The following SGK1 variants were observed in gnomAD, a reference collection of about 807,000 sequenced individuals.
SGK1 encodes the protein serum/glucocorticoid regulated kinase 1, also known as serine/threonine-protein kinase Sgk1.
In SGK1, 26 loss-of-function variants were observed where a neutral mutation model predicts 64.2. The observed-to-expected ratio is 0.40, with a 90% CI of 0.30 to 0.56. SGK1 has a LOEUF of 0.56. Among genes scored for constraint, SGK1 ranks in the 20% least tolerant of loss-of-function variants. The pLI is 0.38. For synonymous variants in SGK1, 265 were observed against 239.7 expected (o/e 1.11, Z -0.98); for missense variants, 519 against 645.6 (o/e 0.80, Z 2.12).
At chr6:134,241,780 C>T (rs1362323778) in intron 2 of SGK1, among the ~76,000 whole-genome samples, 1 of 152,002 alleles carries the variant, frequency 6.6e-6, no homozygotes, top group Admixed American at 6.6e-5. Flanking sequence ...GCCACCACAC[C>T]CGGCTAATTT....
intron 1 of SGK1, among the ~76,000 whole-genome samples, chr6:134,286,098 T>C (rs747842274): frequency 2.0e-5 from 3 of 152,264 alleles, no homozygotes; most frequent in Non-Finnish European, 4.4e-5. Context: ...GAGGTTTCGT[T>C]AGTAACCTGT....
chr6:134,184,270 G>A (rs1371421179), intron 3 of SGK1, among the ~76,000 whole-genome samples: 3 of 151,848 alleles, frequency 2.0e-5, no homozygotes, highest in South Asian at 2.1e-4. Flanking sequence ...AGGCTGAGGC[G>A]GGCAGATCAC....
chr6:134,272,646 TC>T (rs1776957943), intron 1 of SGK1, among the ~76,000 whole-genome samples: 1 of 147,868 alleles, frequency 6.8e-6, no homozygotes, highest in African/African-American at 2.4e-5. Context: ...AACTCTTCTC[TC>T]TTAGCCGAGC....
intron 2 of SGK1, among the ~76,000 whole-genome samples, chr6:134,251,614 C>T (rs1159172445): frequency 2.6e-5 from 4 of 152,190 alleles, no homozygotes; most frequent in South Asian, 4.1e-4. Context: ...ACTGGGAACG[C>T]GGCACACTGG....
intron 10 of SGK1, 185 bp downstream of exon 10, chr6:134,172,008 T>C: frequency 1.3e-6 from 1 of 760,270 alleles, no homozygotes; most frequent in Admixed American, 2.5e-5. Flanking sequence ...TACTTTTCAG[T>C]AAAGGAACAG....
chr6:134,215,064 T>C (rs897862557), intron 2 of SGK1: 3 of 455,982 alleles, frequency 6.6e-6, no homozygotes, highest in Non-Finnish European at 8.8e-6. Flanking sequence ...TTTAGGGAGA[T>C]GTCAGTTGTC....
chr6:134,249,125 T>C (rs1776568709), intron 2 of SGK1, among the ~76,000 whole-genome samples: 1 of 152,190 alleles, frequency 6.6e-6, no homozygotes, highest in African/African-American at 2.4e-5. Context: ...ATCTCAAGCA[T>C]ATTTATCCTT....
intron 3 of SGK1, among the ~76,000 whole-genome samples, chr6:134,204,715 G>A (rs916650989): frequency 2.3e-4 from 35 of 151,740 alleles, no homozygotes; most frequent in African/African-American, 7.8e-4. Context: ...CACACCTCCC[G>A]GCTAATTTGT....
chr6:134,298,370 G>C, intron 1 of SGK1: 1 of 1,512,282 alleles, frequency 6.6e-7, no homozygotes, highest in Non-Finnish European at 9.1e-7. Flanking sequence ...TCCAGGAACC[G>C]TACCTTGCCT....
At chr6:134,220,381 C>T (rs1776071515) in intron 2 of SGK1, among the ~76,000 whole-genome samples, 6 of 152,112 alleles carry the variant, frequency 3.9e-5, no homozygotes, top group Admixed American at 3.9e-4. Flanking sequence ...CAGAAGGCTA[C>T]ACAGATAGAA....
chr6:134,198,726 AT>A lies in SGK1; in HGVS notation c.361+8629del, dbSNP rs1178699258. Among the ~76,000 whole-genome samples the A allele has an allele frequency of 9.1e-3, 931 of 101,756 alleles. 7 individuals are homozygous for A. The highest frequency in any genetic ancestry group is 0.028 in the African/African-American group (765 of 26,970). The allele number at this position is 101,756 out of a possible 152,430, so 66.8% of individuals were successfully genotyped here. A position where few individuals can be genotyped will look rare whatever the true frequency, so the allele number is the denominator to read the frequency against. On this transcript the variant is annotated intron_variant, in intron 3 of 13. Transcript: ENST00000367858. ...TTTTTTCTTCTTTTTCTCTTTTTCTATTTTTTTTTTTTTTTTTTTTGAAAAC... is the reference window on the plus strand; with the variant it reads ...TTTTTTCTTCTTTTTCTCTTTTTCTATTTTTTTTTTTTTTTTTTTGAAAAC...
At chr6:134,244,240 G>A (rs1300473880) in intron 2 of SGK1, among the ~76,000 whole-genome samples, 1 of 151,952 alleles carries the variant, frequency 6.6e-6, no homozygotes, top group Non-Finnish European at 1.5e-5. Context: ...TTCTGTTCCT[G>A]TGTTAGTTTG....
chr6:134,242,289 C>T (rs1479295455), intron 2 of SGK1, among the ~76,000 whole-genome samples: 1 of 151,974 alleles, frequency 6.6e-6, no homozygotes, highest in Non-Finnish European at 1.5e-5. Flanking sequence ...AGTTCGAGAC[C>T]AGCCTGGCCA....
rs184523635 is a variant in SGK1 at position 134,177,375 on chromosome 6, T to C, written c.362-2789A>G. 1.9e-3 allele frequency among the ~76,000 whole-genome samples: 284 copies of C among 152,346 alleles called. 1 individual carries two copies. The highest frequency in any genetic ancestry group is 6.4e-3 in the African/African-American group (265 of 41,580). On this transcript the variant is annotated intron_variant, in intron 3 of 13. Transcript: ENST00000367858. ...AGGGAATCTTCATAGAATGTGACTT[T>C]GTTATTGCCAGTGCCACCCGTATGT...
At chr6:134,215,146 TTGA>T in intron 2 of SGK1, 2 of 428,766 alleles carry the variant, frequency 4.7e-6, no homozygotes, top group Non-Finnish European at 4.6e-6. Context: ...TTTTTTTTTT[TTGA>T]GAGAGCTTTG....
intron 3 of SGK1, among the ~76,000 whole-genome samples, chr6:134,179,847 G>T (rs1464375610): frequency 6.6e-6 from 1 of 152,128 alleles, no homozygotes; most frequent in African/African-American, 2.4e-5. Flanking sequence ...ATTGACGGGA[G>T]GGTAGGAACA....
At chr6:134,283,818 G>A (rs958585336) in intron 1 of SGK1, among the ~76,000 whole-genome samples, 14 of 127,800 alleles carry the variant, frequency 1.1e-4, no homozygotes, top group African/African-American at 3.9e-4. Flanking sequence ...AGCCATGATC[G>A]CAGCACTGCA....
chr6:134,173,688 A>C, intron 5 of SGK1, 122 bp from the exon 6 acceptor site: 1 of 665,304 alleles, frequency 1.5e-6, no homozygotes, highest in East Asian at 2.7e-5. Flanking sequence ...ATACATCTAT[A>C]AACATTCAAA....
chr6:134,307,077 T>TG (rs1308540989), intron 1 of SGK1, among the ~76,000 whole-genome samples: 1 of 151,996 alleles, frequency 6.6e-6, no homozygotes, highest in Non-Finnish European at 1.5e-5. Context: ...AGGTACTAGA[T>TG]GAAAAAAAAA....
Sources: gnomAD v4.1 joint callset for allele counts (sites outside exome capture counted in the v4.1 genomes callset) on GRCh38, gnomAD v4.1.1 for gene constraint, MANE v1.5 for transcripts, NCBI Gene and HGNC (gene_info 2026-07-23, HGNC 2026-07-21) for gene names.